FSCN2: variants seen among roughly 807,000 people sequenced by gnomAD.
FSCN2 encodes the protein fascin actin-bundling protein 2, retinal.
A neutral mutation model predicts 37.8 loss-of-function variants in FSCN2; 46 were observed. That is an observed-to-expected ratio of 1.22 (90% CI 0.96 to 1.56). The LOEUF (loss-of-function observed/expected upper bound fraction) is 1.56. Among genes scored for constraint, FSCN2 ranks in the 40% most tolerant of loss-of-function variants. The pLI is 0.00. For synonymous variants in FSCN2, 351 were observed against 309.4 expected (o/e 1.13, Z -1.41); for missense variants, 844 against 730.4 (o/e 1.16, Z -1.79).
chr17:81,531,327 G>GTGATGGTGA (rs1568077151), intron 1 of FSCN2, among the ~76,000 whole-genome samples: 1 of 103,824 alleles, frequency 9.6e-6, no homozygotes, highest in Non-Finnish European at 1.8e-5. Flanking sequence ...GATGATGGTG[G>GTGATGGTGA]TGGTGGTGAT....
Position 81,528,547 on chromosome 17 carries a change from C to T in FSCN2, c.16C>T (p.Leu6=). 6.2e-7 allele frequency: 1 copy of T among 1,600,798 alleles called. No homozygotes were observed. Among genetic ancestry groups the T allele is most frequent in the Non-Finnish European group, 8.5e-7 (1 of 1,173,968 alleles). Residue 6 remains leucine, a synonymous_variant, in exon 1 of 5, where the codon CTG becomes TTG. Transcript: ENST00000417245. MPTNG[L]HQVLKIQFGL... The stretch of plus-strand genomic sequence containing the variant: ...CAGCCTGAAGATGCCGACGAACGGC[C>T]TGCACCAGGTGCTGAAGATCCAGTT...
rs750472458 is a variant in FSCN2 at position 81,536,967 on chromosome 17, C to G, written c.1366C>G (p.Arg456Gly). Reference protein sequence around the residue: ...AEDFVFEFRERGRLAIRARSG... With the variant: ...AEDFVFEFREGGRLAIRARSG... ...GGACTTCGTCTTCGAGTTCCGTGAG[C>G]GCGGCCGCCTGGCCATCCGCGCCCG... Residue 456 changes from arginine (R) to glycine (G), a missense_variant, in exon 5 of 5, where the codon CGC becomes GGC. By Grantham distance (125) the Arg-to-Gly change is moderately radical. Transcript: ENST00000417245. 4 of 1,548,140 alleles carry G rather than the reference C, an allele frequency of 2.6e-6. No homozygotes were observed. The Admixed American group carries it at 7.6e-5, about 30-fold the overall frequency.
intron 1 of FSCN2, among the ~76,000 whole-genome samples, chr17:81,533,208 A>G (rs1270172178): frequency 1.3e-5 from 2 of 151,960 alleles, no homozygotes; most frequent in African/African-American, 2.4e-5. Flanking sequence ...CTGGGAGGGG[A>G]GTGAGCACCC....
chr17:81,536,401 C>A, intron 3 of FSCN2, 134 bp downstream of exon 3: 1 of 1,431,622 alleles, frequency 7.0e-7, no homozygotes, highest in Admixed American at 2.1e-5. Context: ...TGGAGTCATA[C>A]TTGCTAGTCA....
the FSCN2 span, among the ~76,000 whole-genome samples, chr17:81,522,470 A>G: frequency 0.018 from 2,710 of 152,252 alleles, 82 homozygotes; most frequent in African/African-American, 0.062. Flanking sequence ...AGCCCTTCTC[A>G]CCGTAGAGTG....
At chr17:81,518,599 C>A in the FSCN2 span, among the ~76,000 whole-genome samples, 1 of 152,194 alleles carries the variant, frequency 6.6e-6, no homozygotes, top group African/African-American at 2.4e-5. Context: ...TCCGCACGGA[C>A]CCTCTCCTGC....
At chr17:81,519,988 G>C in the FSCN2 span, among the ~76,000 whole-genome samples, 1 of 152,190 alleles carries the variant, frequency 6.6e-6, no homozygotes, top group African/African-American at 2.4e-5. Flanking sequence ...GCAGGAAAAG[G>C]TGGCTCCAGG....
At chr17:81,531,519 GTGGTGA>G (rs2032600420) in intron 1 of FSCN2, among the ~76,000 whole-genome samples, 1 of 120,298 alleles carries the variant, frequency 8.3e-6, no homozygotes, top group African/African-American at 3.2e-5. Context: ...GATGGTGATG[GTGGTGA>G]TGGCGATGGT....
chr17:81,529,592 G>C lies in FSCN2; in HGVS notation c.826+235G>C, dbSNP rs782350989. ...GGTGGCTTCAGGGTCAGAGGCAAGGGTTCCTGGCCTTTCTCAGCATAGCTG... is the reference window on the plus strand; with the variant it reads ...GGTGGCTTCAGGGTCAGAGGCAAGGCTTCCTGGCCTTTCTCAGCATAGCTG... On this transcript the variant is annotated intron_variant, in intron 1 of 4. Transcript: ENST00000417245. 16 of 745,636 alleles carry C rather than the reference G, an allele frequency of 2.1e-5. No individual in the cohort carries two copies. The African/African-American group carries it at 2.4e-4, about 11-fold the overall frequency. 46.2% of individuals were successfully genotyped at this position (745,636 alleles called of 1,614,324 possible). A position where few individuals can be genotyped will look rare whatever the true frequency, so the allele number is the denominator to read the frequency against.
At chr17:81,515,417 C>T in the FSCN2 span, among the ~76,000 whole-genome samples, 1 of 152,190 alleles carries the variant, frequency 6.6e-6, no homozygotes. Context: ...GTGGGTGTGT[C>T]CTTCACATTT....
In FSCN2 at chr17:81,535,095, G is replaced by C. The variant is rs1393362973; in HGVS notation, c.870G>C (p.Glu290Asp). The C allele has an allele frequency of 1.3e-6, 2 of 1,533,716 alleles. No individual in the cohort carries two copies. ...SANQDDELDH[E>D]TFLMQIDQET... ...ATCAGGATGATGAACTAGACCACGA[G>C]ACCTTCCTGATGCAAATTGACCAGG... Residue 290 changes from glutamate (E) to aspartate (D), a missense_variant, in exon 2 of 5, where the codon GAG (glutamate) becomes GAC (aspartate). Physicochemically the swap from Glu to Asp is conservative, Grantham distance 45. Coordinates refer to ENST00000417245, the MANE Select transcript of FSCN2 (RefSeq NM_012418.4).
chr17:81,532,296 A>ATGATGGTGGTGATGATGATGATGT lies in FSCN2; in HGVS notation c.827-2751_827-2750insGTGGTGATGATGATGATGTTGATG, dbSNP rs1257464904. On this transcript the variant is annotated intron_variant, in intron 1 of 4. Transcript: ENST00000417245. ...GGTGGTGATGGTGATGGTGGTGATG[A>ATGATGGTGGTGATGATGATGATGT]TGATGATAGTGATGGCGATGATGGT... is the stretch of plus-strand genomic sequence containing the variant. Among the ~76,000 whole-genome samples the ATGATGGTGGTGATGATGATGATGT allele has an allele frequency of 2.3e-4, 23 of 98,948 alleles. 1 individual carries two copies. The highest frequency in any genetic ancestry group is 8.6e-4 in the African/African-American group (23 of 26,668). 64.9% of individuals were successfully genotyped at this position (98,948 alleles called of 152,430 possible).
intron 1 of FSCN2, among the ~76,000 whole-genome samples, chr17:81,532,882 T>C (rs913609129): frequency 1.3e-5 from 2 of 151,954 alleles, no homozygotes; most frequent in South Asian, 4.1e-4. Flanking sequence ...GAGGGGAGAA[T>C]CCCCTACTCA....
At chr17:81,530,120 G>T in intron 1 of FSCN2, 1 of 277,448 alleles carries the variant, frequency 3.6e-6, no homozygotes, top group Non-Finnish European at 7.2e-6. Context: ...GCATTTTCTG[G>T]ACTTTAAAGG....
intron 2 of FSCN2, 35 bp from the exon 3 acceptor site, chr17:81,536,111 G>T: frequency 6.3e-7 from 1 of 1,598,438 alleles, no homozygotes; most frequent in Non-Finnish European, 8.5e-7. Flanking sequence ...CCCATCTCCT[G>T]CTGTCCTGAG....
the FSCN2 span, among the ~76,000 whole-genome samples, chr17:81,515,174 G>A: frequency 2.0e-5 from 3 of 152,188 alleles, no homozygotes; most frequent in African/African-American, 7.2e-5. Context: ...CAGGGGGCTG[G>A]ACCGCGCGCT....
At chr17:81,515,948 G>T in the FSCN2 span, among the ~76,000 whole-genome samples, 1 of 152,274 alleles carries the variant, frequency 6.6e-6, no homozygotes, top group Non-Finnish European at 1.5e-5. Context: ...GGGTTCAAGC[G>T]ATTCTCGGGC....
chr17:81,530,092 G>C lies in FSCN2; in HGVS notation c.826+735G>C, dbSNP rs567230749. 1.1e-4 allele frequency: 28 copies of C among 258,088 alleles called. No individual in the cohort carries two copies. In the East Asian group the frequency reaches 2.9e-3, roughly 27 times the overall value. 16.0% of individuals were successfully genotyped at this position (258,088 alleles called of 1,614,324 possible). A position where few individuals can be genotyped will look rare whatever the true frequency, so the allele number is the denominator to read the frequency against. ...CCCAAAGTGCTGGGATTACAGGCGT[G>C]AGCCACCGTGCCCGGCTGCATTTTC... On this transcript the variant is annotated intron_variant, in intron 1 of 4. Coordinates refer to ENST00000417245, the MANE Select transcript of FSCN2 (RefSeq NM_012418.4).
intron 1 of FSCN2, among the ~76,000 whole-genome samples, chr17:81,532,400 G>C (rs529648944): frequency 6.9e-6 from 1 of 144,988 alleles, no homozygotes; most frequent in East Asian, 2.1e-4. Flanking sequence ...TGATGGTGAT[G>C]ATAGTGATGG....
Sources: gnomAD v4.1 joint callset for allele counts (sites outside exome capture counted in the v4.1 genomes callset) on GRCh38, gnomAD v4.1.1 for gene constraint, MANE v1.5 for transcripts, NCBI Gene and HGNC (gene_info 2026-07-23, HGNC 2026-07-21) for gene names.